Variants in TAFA2 observed in about 807,000 individuals in gnomAD.
TAFA2 encodes the protein TAFA chemokine like family member 2.
A neutral mutation model predicts 18.8 loss-of-function variants in TAFA2; 7 were observed. The ratio of observed to expected loss-of-function variants is 0.37; its 90% CI spans 0.21 to 0.70. The LOEUF (loss-of-function observed/expected upper bound fraction) is 0.70, where lower values mean the gene tolerates loss of function less well. TAFA2 is among the 30% of genes least tolerant of loss of function. The probability of loss-of-function intolerance (pLI) is 0.53; values close to 1 mark genes in which losing one functional copy is unlikely to be tolerated. For missense variants in TAFA2, 122 were observed against 158.1 expected (o/e 0.77, Z 1.23); for synonymous variants, 60 against 54.2 (o/e 1.11, Z -0.47).
chr12:62,049,263 T>C (rs1046245814), intron 1 of TAFA2, among the ~76,000 whole-genome samples: 5 of 152,094 alleles, frequency 3.3e-5, no homozygotes, highest in African/African-American at 1.2e-4. Flanking sequence ...TAAAGAGAAT[T>C]TTCTCAAAGA....
At chr12:62,166,142 A>G (rs547477246) in intron 1 of TAFA2, among the ~76,000 whole-genome samples, 3 of 152,098 alleles carry the variant, frequency 2.0e-5, no homozygotes, top group East Asian at 1.9e-4. Context: ...CTTATATTTT[A>G]TCTATTTTTC....
intron 1 of TAFA2, among the ~76,000 whole-genome samples, chr12:62,233,869 G>A (rs80255071): frequency 0.022 from 3,370 of 152,254 alleles, 127 homozygotes; most frequent in African/African-American, 0.075. Context: ...AACACAGACC[G>A]AGGCAGCAAA....
At position 61,986,158 on chromosome 12, in the gene TAFA2, C is replaced by CTTTTTTTTT. The variant is rs551223452; in HGVS notation, c.-1-118741_-1-118733dup. Among the ~76,000 whole-genome samples, 32 of 65,866 alleles carry CTTTTTTTTT rather than the reference C, an allele frequency of 4.9e-4. 2 individuals carry two copies. The highest frequency in any genetic ancestry group is 1.8e-3 in the African/African-American group (29 of 15,720). The allele number at this position is 65,866 out of a possible 152,430, so 43.2% of individuals were successfully genotyped here. ...CTAGACATAGACAATCTAAGCTCTT[C>CTTTTTTTTT]TTTTTTTTTTTTTTTTTTTTTTTTT... On this transcript the variant is annotated intron_variant, in intron 1 of 4. Transcript: ENST00000416284.
chr12:61,825,485 G>T (rs895555394), intron 2 of TAFA2, among the ~76,000 whole-genome samples: 1 of 152,128 alleles, frequency 6.6e-6, no homozygotes, highest in Non-Finnish European at 1.5e-5. Flanking sequence ...TTGAGGAGGA[G>T]AAAGGTAAGG....
At chr12:61,722,310 C>A (rs1409680931) in intron 4 of TAFA2, among the ~76,000 whole-genome samples, 11 of 152,108 alleles carry the variant, frequency 7.2e-5, no homozygotes, top group African/African-American at 2.7e-4. Flanking sequence ...TTAGAACAGG[C>A]CCCTGTTTTC....
At chr12:61,783,526 T>C (rs955264281) in intron 2 of TAFA2, among the ~76,000 whole-genome samples, 1 of 151,572 alleles carries the variant, frequency 6.6e-6, no homozygotes, top group African/African-American at 2.4e-5. Context: ...TCAATAAGTG[T>C]TTATGGAATT....
chr12:61,746,897 C>T (rs7133015), intron 4 of TAFA2, among the ~76,000 whole-genome samples: 3,173 of 152,174 alleles, frequency 0.021, 128 homozygotes, highest in African/African-American at 0.072. Flanking sequence ...AGCTTCTGCA[C>T]AGCAAAAGAA....
At chr12:61,802,404 A>G (rs1187717234) in intron 2 of TAFA2, among the ~76,000 whole-genome samples, 2 of 152,090 alleles carry the variant, frequency 1.3e-5, no homozygotes, top group Non-Finnish European at 2.9e-5. Flanking sequence ...TGGTCCATAT[A>G]TGCAATGGAA....
intron 1 of TAFA2, among the ~76,000 whole-genome samples, chr12:61,923,508 T>C (rs1315643818): frequency 6.6e-6 from 1 of 152,118 alleles, no homozygotes; most frequent in South Asian, 2.1e-4. Flanking sequence ...GCCTGACTGC[T>C]AGAAGGAAAA....
chr12:61,863,923 C>T (rs541882126), intron 2 of TAFA2, among the ~76,000 whole-genome samples: 14 of 152,270 alleles, frequency 9.2e-5, no homozygotes, highest in African/African-American at 3.4e-4. Context: ...AAGGAGGGAC[C>T]ATCTCTGTGG....
intron 1 of TAFA2, among the ~76,000 whole-genome samples, chr12:62,019,629 A>T (rs896151156): frequency 7.0e-6 from 1 of 143,374 alleles, no homozygotes; most frequent in East Asian, 2.3e-4. Context: ...ATGGGAACAC[A>T]TGGACACAGG....
At chr12:61,895,039 A>G (rs1875781752) in intron 1 of TAFA2, among the ~76,000 whole-genome samples, 1 of 152,198 alleles carries the variant, frequency 6.6e-6, no homozygotes, top group Admixed American at 6.5e-5. Flanking sequence ...CAAAGAACAC[A>G]GACAGAGCAA....
At chr12:61,892,354 C>A (rs1875673478) in intron 1 of TAFA2, among the ~76,000 whole-genome samples, 1 of 152,108 alleles carries the variant, frequency 6.6e-6, no homozygotes, top group African/African-American at 2.4e-5. Context: ...GAACACAAAC[C>A]TGAAGCTTAG....
At chr12:62,030,628 G>C (rs1881432200) in intron 1 of TAFA2, among the ~76,000 whole-genome samples, 1 of 152,142 alleles carries the variant, frequency 6.6e-6, no homozygotes, top group South Asian at 2.1e-4. Context: ...AGCAACCTTA[G>C]GGAGAGCCAG....
At chr12:62,053,245 C>A (rs993105832) in intron 1 of TAFA2, among the ~76,000 whole-genome samples, 4 of 152,160 alleles carry the variant, frequency 2.6e-5, no homozygotes, top group African/African-American at 9.7e-5. Context: ...TATATTGCTA[C>A]AACCCAGAGT....
chr12:62,036,041 A>G (rs977004572), intron 1 of TAFA2, among the ~76,000 whole-genome samples: 31 of 152,120 alleles, frequency 2.0e-4, no homozygotes, highest in East Asian at 5.8e-4. Context: ...CGCCCGGCCA[A>G]TGATTCTTTC....
At chr12:62,256,320 C>T (rs2062938780) in intron 1 of TAFA2, among the ~76,000 whole-genome samples, 1 of 151,852 alleles carries the variant, frequency 6.6e-6, no homozygotes, top group East Asian at 1.9e-4. Flanking sequence ...ATTTGTAGAC[C>T]TTATGCCCAT....
chr12:62,121,455 G>C (rs1357940622), intron 1 of TAFA2, among the ~76,000 whole-genome samples: 4 of 152,150 alleles, frequency 2.6e-5, no homozygotes, highest in Non-Finnish European at 5.9e-5. Context: ...TATTAGTTAT[G>C]AGAAATAACG....
At chr12:62,117,259 C>G (rs1870001286) in intron 1 of TAFA2, among the ~76,000 whole-genome samples, 1 of 152,136 alleles carries the variant, frequency 6.6e-6, no homozygotes. Flanking sequence ...AGCTGAAATT[C>G]CTACTCGTTT....
Sources: allele counts gnomAD v4.1 joint callset (sites outside exome capture counted in the v4.1 genomes callset), GRCh38; gene constraint gnomAD v4.1.1; transcripts MANE v1.5; gene names NCBI Gene and HGNC (gene_info 2026-07-23, HGNC 2026-07-21).